The following NFYC variants were observed in gnomAD, a reference collection of about 807,000 sequenced individuals.
NFYC encodes the protein nuclear transcription factor Y subunit gamma.
NFYC carries 25 observed loss-of-function variants against 53.1 expected under a neutral mutation model. The ratio of observed to expected loss-of-function variants is 0.47; its 90% CI spans 0.34 to 0.66. The LOEUF (loss-of-function observed/expected upper bound fraction) is 0.66. NFYC is among the 30% of genes least tolerant of loss of function. The probability of loss-of-function intolerance (pLI) is 0.01; values close to 1 mark genes in which losing one functional copy is unlikely to be tolerated. For missense variants in NFYC, 260 were observed against 422.7 expected (o/e 0.62, Z 3.38); for synonymous variants, 145 against 152.6 (o/e 0.95, Z 0.37).
chr1:40,704,095 T>G (rs78427555), intron 1 of NFYC, among the ~76,000 whole-genome samples: 1 of 128,838 alleles, frequency 7.8e-6, no homozygotes, highest in Admixed American at 7.5e-5. Flanking sequence ...TTTTTTTTTT[T>G]GGAGACAGCT....
At chr1:40,728,281 A>G (rs1325812060) in intron 1 of NFYC, among the ~76,000 whole-genome samples, 1 of 152,056 alleles carries the variant, frequency 6.6e-6, no homozygotes, top group African/African-American at 2.4e-5. Flanking sequence ...TGCAGAATGG[A>G]TATTGTGTTA....
intron 1 of NFYC, among the ~76,000 whole-genome samples, chr1:40,719,104 C>T (rs1179566045): frequency 6.6e-6 from 1 of 152,208 alleles, no homozygotes; most frequent in South Asian, 2.1e-4. Flanking sequence ...CTTATGACCT[C>T]GTGATCTGCC....
At position 40,704,085 on chromosome 1, in the gene NFYC, T is replaced by G. The variant is rs1214813551; in HGVS notation, c.-9+12218T>G. On this transcript the variant is annotated intron_variant, in intron 1 of 9. Coordinates refer to ENST00000447388, the MANE Select transcript of NFYC (RefSeq NM_014223.5). ...TTGTCTCATAGTGATTTAAGTGTTT[T>G]TTTTTTTTTTGGAGACAGCTCTGTC... Among the ~76,000 whole-genome samples, 4 of 151,948 alleles carry G rather than the reference T, an allele frequency of 2.6e-5. No homozygotes were observed. The East Asian group carries it at 5.8e-4, about 22-fold the overall frequency.
intron 4 of NFYC, among the ~76,000 whole-genome samples, chr1:40,751,378 C>G (rs1372140467): frequency 6.6e-6 from 1 of 152,116 alleles, no homozygotes; most frequent in Non-Finnish European, 1.5e-5. Context: ...AGGATATTGA[C>G]TGGAAAGGGC....
rs765905638 is a variant in NFYC, at chr1:40,770,591, C to T, written c.889-118C>T. On this transcript the variant is annotated intron_variant, in intron 9 of 9. Transcript: ENST00000447388. The surrounding 1 kb of genome is among the most constrained non-coding windows in gnomAD (Gnocchi z 5.3). ...GCTCCACTTCCCCTCCTCCTTCTGA[C>T]GCCTTGCAGTGGGTGGTGGTTGAGG... The T allele has an allele frequency of 7.0e-5, 113 of 1,612,458 alleles. No homozygotes were observed. Among genetic ancestry groups the T allele is most frequent in the Non-Finnish European group, 8.1e-5 (95 of 1,179,322 alleles).
rs781443344 is a variant in NFYC, at chr1:40,743,027, T to C, written c.105+4079T>C. 3.9e-5 allele frequency among the ~76,000 whole-genome samples: 6 copies of C among 152,214 alleles called. No individual in the cohort carries two copies. In the South Asian group the frequency reaches 8.3e-4, roughly 21 times the overall value. ...AGATTAAAAAGAAAAAAATTCCTTA[T>C]GTTTAAACTAGCCAATCATAAGTAA... On this transcript the variant is annotated intron_variant, in intron 2 of 9. Coordinates refer to ENST00000447388, the MANE Select transcript of NFYC (RefSeq NM_014223.5).
At chr1:40,715,354 G>C (rs1644094296) in intron 1 of NFYC, among the ~76,000 whole-genome samples, 1 of 151,738 alleles carries the variant, frequency 6.6e-6, no homozygotes, top group Admixed American at 6.6e-5. Context: ...CTGCACTCCA[G>C]CCTGGGCAAC....
At chr1:40,768,343 C>A (rs1051329126) in intron 8 of NFYC, among the ~76,000 whole-genome samples, 3 of 152,232 alleles carry the variant, frequency 2.0e-5, no homozygotes, top group African/African-American at 7.2e-5. Flanking sequence ...TGCCCTCAGG[C>A]ATCTTATAGG....
At chr1:40,706,179 A>G (rs933772739) in intron 1 of NFYC, among the ~76,000 whole-genome samples, 1 of 152,116 alleles carries the variant, frequency 6.6e-6, no homozygotes, top group Non-Finnish European at 1.5e-5. Context: ...GGTGCAGCGG[A>G]AAGAGTACCA....
chr1:40,693,222 C>G (rs1260625425), intron 1 of NFYC, among the ~76,000 whole-genome samples: 1 of 152,184 alleles, frequency 6.6e-6, no homozygotes, highest in Non-Finnish European at 1.5e-5. Context: ...CTTGTCAACA[C>G]TTTCTGGTTC....
chr1:40,737,823 A>C lies in NFYC; in HGVS notation c.-8-1013A>C, dbSNP rs113159049. 3.0e-3 allele frequency among the ~76,000 whole-genome samples: 463 copies of C among 152,202 alleles called. 2 individuals are homozygous for C. Among genetic ancestry groups the C allele is most frequent in the African/African-American group, 0.011 (438 of 41,524 alleles). On this transcript the variant is annotated intron_variant, in intron 1 of 9. Coordinates refer to ENST00000447388, the MANE Select transcript of NFYC (RefSeq NM_014223.5). ...GACAGATTTGTCTGAGATTAGAAGG[A>C]ATAATCATCATCAGGAGCCCCAGAG... is the stretch of plus-strand genomic sequence containing the variant.
intron 1 of NFYC, among the ~76,000 whole-genome samples, chr1:40,709,121 C>T (rs1028697798): frequency 6.6e-5 from 10 of 152,220 alleles, no homozygotes; most frequent in Admixed American, 1.3e-4. Context: ...GACATTTCCA[C>T]GCCTTAGAGT....
At position 40,770,327 on chromosome 1, in the gene NFYC, C is replaced by T. The variant is rs1476554565; in HGVS notation, c.889-382C>T. ...CTACTGCCCCTGCCAGTGTAGATTA[C>T]CAAGAGTTGGGGAAATGCTGACTTC... is the stretch of plus-strand genomic sequence containing the variant. On this transcript the variant is annotated intron_variant, in intron 9 of 9. Coordinates refer to ENST00000447388, the MANE Select transcript of NFYC (RefSeq NM_014223.5). The surrounding 1 kb of genome is among the most constrained non-coding windows in gnomAD (Gnocchi z 5.3). 7.0e-7 allele frequency: 1 copy of T among 1,438,624 alleles called. No homozygotes were observed. Among genetic ancestry groups the T allele is most frequent in the Non-Finnish European group, 9.4e-7 (1 of 1,064,506 alleles). 89.1% of individuals were successfully genotyped at this position (1,438,624 alleles called of 1,614,324 possible).
chr1:40,723,059 A>C (rs1457459822), intron 1 of NFYC: 1 of 152,220 alleles, frequency 6.6e-6, no homozygotes, highest in Non-Finnish European at 1.5e-5. Context: ...CCTTATCTGT[A>C]AAATTGGAAT....
intron 1 of NFYC, among the ~76,000 whole-genome samples, chr1:40,696,399 T>A (rs1294539207): frequency 6.6e-6 from 1 of 152,240 alleles, no homozygotes; most frequent in East Asian, 1.9e-4. Flanking sequence ...TAGAATGTTA[T>A]GGGAAAAGAA....
intron 2 of NFYC, among the ~76,000 whole-genome samples, chr1:40,743,524 T>TA (rs778489887): frequency 1.3e-5 from 2 of 152,210 alleles, no homozygotes; most frequent in Non-Finnish European, 2.9e-5. Flanking sequence ...ATTCTCTACT[T>TA]ACTCTTTACA....
intron 1 of NFYC, among the ~76,000 whole-genome samples, chr1:40,711,869 A>G (rs941878590): frequency 1.3e-5 from 2 of 152,244 alleles, no homozygotes; most frequent in African/African-American, 4.8e-5. Context: ...TTGAGGCAGC[A>G]TGGTACAGAC....
intron 1 of NFYC, among the ~76,000 whole-genome samples, chr1:40,731,720 G>C (rs1056281662): frequency 5.3e-5 from 8 of 151,754 alleles, no homozygotes; most frequent in African/African-American, 1.9e-4. Context: ...TCCTGACCTC[G>C]TGATCTGCCC....
At chr1:40,730,118 C>T (rs1432857386) in intron 1 of NFYC, among the ~76,000 whole-genome samples, 9 of 152,084 alleles carry the variant, frequency 5.9e-5, no homozygotes, top group Non-Finnish European at 1.3e-4. Flanking sequence ...CCAAGTGATC[C>T]TCCCACCTCA....
Sources: gnomAD v4.1 joint callset for allele counts (sites outside exome capture counted in the v4.1 genomes callset) on GRCh38, gnomAD v4.1.1 for gene constraint, Gnocchi (gnomAD v3.1) non-coding constraint, MANE v1.5 for transcripts, NCBI Gene and HGNC (gene_info 2026-07-23, HGNC 2026-07-21) for gene names.